The following MIGA1 variants were observed in gnomAD, a reference collection of about 807,000 sequenced individuals.
The protein encoded by MIGA1 is mitoguardin 1.
A neutral mutation model predicts 82.0 loss-of-function variants in MIGA1; 58 were observed. The observed-to-expected ratio is 0.71, with a 90% confidence interval of 0.57 to 0.88. MIGA1 has a LOEUF of 0.88. MIGA1 is among the 40% of genes least tolerant of loss of function. The pLI is 0.00. For synonymous variants in MIGA1, 249 were observed against 253.6 expected, an observed-to-expected ratio of 0.98 and a Z score of 0.17; for missense variants, 751 against 749.1, an observed-to-expected ratio of 1.00 and a Z score of -0.03.
At chr1:77,790,645 G>A (rs1485023551) in intron 2 of MIGA1, among the ~76,000 whole-genome samples, 1 of 150,846 alleles carries the variant, frequency 6.6e-6, no homozygotes, top group Non-Finnish European at 1.5e-5. Flanking sequence ...GAGTGCAATG[G>A]TGCGATCTTG....
intron 14 of MIGA1, among the ~76,000 whole-genome samples, chr1:77,870,890 C>G (rs373477785): frequency 1.4e-5 from 2 of 142,750 alleles, no homozygotes; most frequent in East Asian, 2.1e-4. Context: ...GAGACCAGCC[C>G]GGCCAACACA....
chr1:77,779,997 T>C, intron 1 of MIGA1: 1 of 1,231,584 alleles, frequency 8.1e-7, no homozygotes, highest in Non-Finnish European at 1.0e-6. Context: ...AGCAGGAGGG[T>C]CCCCACGCCA....
chr1:77,866,968 C>T (rs886613402), intron 14 of MIGA1, among the ~76,000 whole-genome samples: 1 of 152,160 alleles, frequency 6.6e-6, no homozygotes, highest in African/African-American at 2.4e-5. Flanking sequence ...GTGTAAGCCA[C>T]TGCACCTGGC....
At position 77,801,367 on chromosome 1, in the gene MIGA1, G is replaced by A. The variant is rs1682873194; in HGVS notation, c.232G>A (p.Val78Ile). The A allele has an allele frequency of 1.9e-6, 3 of 1,566,016 alleles. No homozygotes were observed. The highest frequency in any genetic ancestry group is 2.6e-6 in the Non-Finnish European group (3 of 1,166,060). ...TCCGGTGGCTAAAAAGTTGTTTGTG[G>A]TAACTGCAGTGAGTGCTATATCTGT... Residue 78 changes from valine to isoleucine, a missense_variant, in exon 3 of 16, where the codon GTA (valine) becomes ATA (isoleucine). Val to Ile is a conservative substitution (Grantham distance 29). Around this residue, in one of 3 missense-constraint regions of MIGA1, gnomAD observed 482 missense variants for 439.4 expected, o/e 1.10. Coordinates refer to ENST00000370791, the MANE Select transcript of MIGA1 (RefSeq NM_198549.4).
chr1:77,815,441 T>G (rs1683535853), intron 7 of MIGA1, among the ~76,000 whole-genome samples: 1 of 152,180 alleles, frequency 6.6e-6, no homozygotes, highest in South Asian at 2.1e-4. Flanking sequence ...ATTCAAGTAC[T>G]TATCATAGGC....
At position 77,875,348 on chromosome 1, in the gene MIGA1, G is replaced by C; in HGVS notation, c.*284G>C. ...TCGCTTGAATTGAAGCCAATATTTG[G>C]GAGTTAATTGGTTTGTCTTCTTGAA... On this transcript the variant is annotated 3_prime_UTR_variant, in exon 16 of 16. Coordinates refer to ENST00000370791, the MANE Select transcript of MIGA1 (RefSeq NM_198549.4). The C allele has an allele frequency of 3.4e-6, 1 of 290,570 alleles. No homozygotes were observed. Among genetic ancestry groups the C allele is most frequent in the East Asian group, 7.4e-5 (1 of 13,426 alleles). 18.0% of individuals were successfully genotyped at this position (290,570 alleles called of 1,614,324 possible). A position where few individuals can be genotyped will look rare whatever the true frequency, so the allele number is the denominator to read the frequency against.
chr1:77,857,728 T>G (rs1411505429), intron 8 of MIGA1, among the ~76,000 whole-genome samples: 1 of 145,516 alleles, frequency 6.9e-6, no homozygotes, highest in Non-Finnish European at 1.5e-5. Flanking sequence ...GGGTTGTTGT[T>G]TTTTTTTTTT....
At chr1:77,791,664 AGTG>A (rs530903185) in intron 2 of MIGA1, among the ~76,000 whole-genome samples, 4 of 150,080 alleles carry the variant, frequency 2.7e-5, no homozygotes, top group African/African-American at 9.8e-5. Context: ...CCTGGGTTCA[AGTG>A]GTTCTTGTGC....
chr1:77,800,966 T>A (rs994452360), intron 2 of MIGA1, among the ~76,000 whole-genome samples: 10 of 152,208 alleles, frequency 6.6e-5, no homozygotes, highest in Admixed American at 2.0e-4. Context: ...GATAGTTTTT[T>A]TTAAAGCTCA....
intron 4 of MIGA1, 145 bp from the exon 5 acceptor site, chr1:77,806,830 A>T: frequency 3.5e-6 from 2 of 572,546 alleles, no homozygotes; most frequent in Non-Finnish European, 3.0e-6. Context: ...TTGATTGATT[A>T]TCATCAGAAT....
At chr1:77,806,081 A>G (rs1474616962) in intron 4 of MIGA1, among the ~76,000 whole-genome samples, 1 of 152,220 alleles carries the variant, frequency 6.6e-6, no homozygotes, top group African/African-American at 2.4e-5. Flanking sequence ...TTACAGTAGA[A>G]CATTCAAATA....
chr1:77,824,749 T>A (rs559552102), intron 7 of MIGA1, among the ~76,000 whole-genome samples: 1 of 152,172 alleles, frequency 6.6e-6, no homozygotes, highest in Non-Finnish European at 1.5e-5. Flanking sequence ...TTACAATGTT[T>A]CCTATGATAA....
chr1:77,875,217 T>G lies in MIGA1; in HGVS notation c.*153T>G, dbSNP rs547601409. The G allele has an allele frequency of 9.5e-6, 6 of 629,626 alleles. No homozygotes were observed. In the Admixed American group the frequency reaches 1.9e-4, roughly 20 times the overall value. 39.0% of individuals were successfully genotyped at this position (629,626 alleles called of 1,614,324 possible). Reference sequence around the variant, plus strand: ...TAAAAAATGAGCAACTGTACTGTATTTATACAGAAGTTCTGTCATTGAATT... The same window carrying G: ...TAAAAAATGAGCAACTGTACTGTATGTATACAGAAGTTCTGTCATTGAATT... On this transcript the variant is annotated 3_prime_UTR_variant, in exon 16 of 16. Transcript: ENST00000370791.
chr1:77,872,850 A>G, intron 14 of MIGA1, 154 bp from the exon 15 acceptor site: 1 of 851,784 alleles, frequency 1.2e-6, no homozygotes, highest in Middle Eastern at 2.7e-4. Flanking sequence ...GCTTGAGGCC[A>G]GGAGTTTGAG....
chr1:77,865,961 G>C (rs1223197013), intron 13 of MIGA1, among the ~76,000 whole-genome samples: 1 of 152,210 alleles, frequency 6.6e-6, no homozygotes, highest in Middle Eastern at 3.4e-3. Context: ...TCGCTAGGCT[G>C]GAGTGCAGTG....
At chr1:77,783,456 C>G (rs1227361147) in intron 2 of MIGA1, 105 bp downstream of exon 2, 4 of 547,650 alleles carry the variant, frequency 7.3e-6, no homozygotes, top group Non-Finnish European at 5.9e-6. Flanking sequence ...ATAGTACAGT[C>G]AAAATATTTA....
At chr1:77,870,969 G>T (rs1365158565) in intron 14 of MIGA1, among the ~76,000 whole-genome samples, 1 of 150,996 alleles carries the variant, frequency 6.6e-6, no homozygotes, top group South Asian at 2.1e-4. Context: ...GCCTGCAGTC[G>T]CAGGCACTCG....
chr1:77,861,456 C>T (rs1330045127), intron 12 of MIGA1, 134 bp downstream of exon 12: 9 of 627,424 alleles, frequency 1.4e-5, no homozygotes, highest in Non-Finnish European at 2.5e-5. Context: ...TTTTTTCTGA[C>T]GAAGTCATAA....
chr1:77,848,578 G>A (rs7410814), intron 8 of MIGA1: 1,351,964 of 1,351,978 alleles, frequency 1, 675,975 homozygotes, highest in Middle Eastern at 1. Context: ...AGACAAAGAA[G>A]GAAACCAGGA....
Sources: allele counts gnomAD v4.1 joint callset (sites outside exome capture counted in the v4.1 genomes callset), GRCh38; gene constraint gnomAD v4.1.1; regional missense constraint gnomAD v4.1.1; transcripts MANE v1.5; gene names NCBI Gene and HGNC (gene_info 2026-07-23, HGNC 2026-07-21).